The following TYW1B variants were observed in gnomAD, a reference collection of about 807,000 sequenced individuals.
TYW1B encodes S-adenosyl-L-methionine-dependent tRNA 4-demethylwyosine synthase TYW1B.
A neutral mutation model predicts 86.9 loss-of-function variants in TYW1B; 73 were observed. The ratio of observed to expected loss-of-function variants is 0.84; its 90% CI spans 0.70 to 1.02. The LOEUF (loss-of-function observed/expected upper bound fraction) is 1.02, where lower values mean the gene tolerates loss of function less well. TYW1B is among the 50% of genes least tolerant of loss of function. The pLI is 0.00. For missense variants in TYW1B, 637 were observed against 827.4 expected, an observed-to-expected ratio of 0.77 and a Z score of 2.82; for synonymous variants, 248 against 292.8, an observed-to-expected ratio of 0.85 and a Z score of 1.56.
At chr7:72,655,945 T>C (rs1316271323) in intron 11 of TYW1B, among the ~76,000 whole-genome samples, 2 of 152,176 alleles carry the variant, frequency 1.3e-5, no homozygotes, top group African/African-American at 4.8e-5. Flanking sequence ...GCACACTGCC[T>C]GGGGCCTAAG....
At chr7:72,819,453 G>C (rs1287565591) in intron 2 of TYW1B, among the ~76,000 whole-genome samples, 4 of 152,198 alleles carry the variant, frequency 2.6e-5, no homozygotes, top group African/African-American at 9.6e-5. Context: ...ATTTTTTTGA[G>C]AGAAGGTCTC....
rs1788595592 is a variant in TYW1B, at chr7:72,810,760, A to C, written c.238-95T>G. 3 of 1,452,694 alleles carry C rather than the reference A, an allele frequency of 2.1e-6. No individual in the cohort carries two copies. In the South Asian group the frequency reaches 4.2e-5, roughly 21 times the overall value. 90.0% of individuals were successfully genotyped at this position (1,452,694 alleles called of 1,614,324 possible). On this transcript the variant is annotated intron_variant, in intron 3 of 13. Coordinates refer to ENST00000620995, the MANE Select transcript of TYW1B (RefSeq NM_001145440.3). ...GAAAAAAAGCATACTCATCTCAAAG[A>C]ACAAAGGGTACCTTCATAAACATGG...
intron 12 of TYW1B, among the ~76,000 whole-genome samples, chr7:72,622,001 G>A (rs1205600393): frequency 2.0e-5 from 3 of 152,262 alleles, no homozygotes; most frequent in African/African-American, 7.2e-5. Flanking sequence ...ACAGTAAGTA[G>A]TTTTAAATCA....
intron 8 of TYW1B, among the ~76,000 whole-genome samples, chr7:72,739,248 G>T (rs1304258881): frequency 6.6e-6 from 1 of 152,068 alleles, no homozygotes; most frequent in African/African-American, 2.4e-5. Context: ...GTTCACCGAG[G>T]TTTAATATAC....
intron 12 of TYW1B, among the ~76,000 whole-genome samples, chr7:72,622,816 A>G (rs1812256797): frequency 6.6e-6 from 1 of 152,080 alleles, no homozygotes; most frequent in Non-Finnish European, 1.5e-5. Context: ...ACACACATGC[A>G]CACACACTAC....
chr7:72,635,340 C>T (rs1812641118), intron 11 of TYW1B, among the ~76,000 whole-genome samples: 1 of 152,166 alleles, frequency 6.6e-6, no homozygotes, highest in Non-Finnish European at 1.5e-5. Context: ...TACACTAAGA[C>T]TTGATATCCA....
At chr7:72,695,410 T>C (rs1814292707) in intron 10 of TYW1B, among the ~76,000 whole-genome samples, 1 of 152,136 alleles carries the variant, frequency 6.6e-6, no homozygotes, top group African/African-American at 2.4e-5. Flanking sequence ...CCTAAAACAG[T>C]AGAAACCTCA....
chr7:72,773,910 C>T (rs1554470071), intron 7 of TYW1B, among the ~76,000 whole-genome samples: 1 of 151,674 alleles, frequency 6.6e-6, no homozygotes, highest in African/African-American at 2.4e-5. Context: ...ACTAAAAATA[C>T]AAAAATTAGC....
chr7:72,817,089 A>G (rs1788737684), intron 2 of TYW1B, among the ~76,000 whole-genome samples: 1 of 152,136 alleles, frequency 6.6e-6, no homozygotes, highest in African/African-American at 2.4e-5. Flanking sequence ...CCCAATAGTA[A>G]GCATGAGAAC....
At chr7:72,583,441 A>C (rs535479166) in intron 13 of TYW1B, among the ~76,000 whole-genome samples, 14 of 152,318 alleles carry the variant, frequency 9.2e-5, no homozygotes, top group African/African-American at 2.9e-4. Flanking sequence ...GGAGATAAAT[A>C]CCAAATGAAT....
chr7:72,662,101 A>C (rs760660093), intron 11 of TYW1B, among the ~76,000 whole-genome samples: 70 of 152,224 alleles, frequency 4.6e-4, no homozygotes, highest in Non-Finnish European at 8.1e-4. Context: ...TTATAAACAG[A>C]CAAATGGACC....
intron 8 of TYW1B, among the ~76,000 whole-genome samples, chr7:72,739,572 C>A (rs1317567350): frequency 6.7e-6 from 1 of 149,328 alleles, no homozygotes; most frequent in Non-Finnish European, 1.5e-5. Context: ...TGCCATTGCA[C>A]TCCAGCCTGG....
At chr7:72,578,492 T>C (rs1167603708) in intron 13 of TYW1B, among the ~76,000 whole-genome samples, 2 of 152,092 alleles carry the variant, frequency 1.3e-5, no homozygotes, top group African/African-American at 2.4e-5. Flanking sequence ...TCTTGAGACA[T>C]GATGGGATTT....
At chr7:72,652,209 T>G (rs1554442907) in intron 11 of TYW1B, among the ~76,000 whole-genome samples, 1 of 151,594 alleles carries the variant, frequency 6.6e-6, no homozygotes, top group African/African-American at 2.4e-5. Flanking sequence ...ACCCCGCCTC[T>G]ACTAAAAAAA....
At chr7:72,587,111 C>T (rs533735681) in intron 13 of TYW1B, among the ~76,000 whole-genome samples, 112 of 152,194 alleles carry the variant, frequency 7.4e-4, no homozygotes, top group African/African-American at 2.6e-3. Context: ...AGGGGGAGTA[C>T]TGATGAAAGA....
chr7:72,613,849 T>C (rs3110827), intron 13 of TYW1B, among the ~76,000 whole-genome samples: 23,212 of 152,026 alleles, frequency 0.15, 2,400 homozygotes, highest in East Asian at 0.55. Context: ...ATGTATCAGT[T>C]TACAATTTTG....
intron 13 of TYW1B, among the ~76,000 whole-genome samples, chr7:72,601,744 G>A (rs868906510): frequency 7.1e-6 from 1 of 140,810 alleles, no homozygotes; most frequent in Non-Finnish European, 1.5e-5. Flanking sequence ...AATGCATATT[G>A]CTAAGTGAAA....
At chr7:72,819,824 T>C (rs1182361254) in intron 2 of TYW1B, among the ~76,000 whole-genome samples, 1 of 152,024 alleles carries the variant, frequency 6.6e-6, no homozygotes, top group East Asian at 1.9e-4. Flanking sequence ...AATCATCAGA[T>C]TCTCCAAAGT....
At chr7:72,714,094 G>T (rs1289145881) in intron 9 of TYW1B, among the ~76,000 whole-genome samples, 2 of 151,898 alleles carry the variant, frequency 1.3e-5, no homozygotes, top group Non-Finnish European at 2.9e-5. Context: ...GCTTAGCTTT[G>T]CATTCTTTCA....
Sources: allele counts gnomAD v4.1 joint callset (sites outside exome capture counted in the v4.1 genomes callset), GRCh38; gene constraint gnomAD v4.1.1; transcripts MANE v1.5; gene names NCBI Gene and HGNC (gene_info 2026-07-23, HGNC 2026-07-21).